DAB1: variants seen among roughly 807,000 people sequenced by gnomAD.
The protein encoded by DAB1 is disabled homolog 1.
Under a neutral mutation model 64.6 loss-of-function variants are expected in DAB1, and 15 were observed. The ratio of observed to expected loss-of-function variants is 0.23; its 90% CI spans 0.16 to 0.36. The LOEUF (loss-of-function observed/expected upper bound fraction) is 0.36, where lower values mean the gene tolerates loss of function less well. Ranked by LOEUF, DAB1 falls within the 10% of genes least tolerant of loss-of-function variation. The probability of loss-of-function intolerance (pLI) is 1.00; values close to 1 mark genes in which losing one functional copy is unlikely to be tolerated. For missense variants in DAB1, 596 were observed against 706.7 expected, an observed-to-expected ratio of 0.84 and a Z score of 1.78; for synonymous variants, 235 against 251.9, an observed-to-expected ratio of 0.93 and a Z score of 0.64.
intron 4 of DAB1, among the ~76,000 whole-genome samples, chr1:58,300,608 GA>G (rs1413323351): frequency 8.5e-5 from 3 of 35,334 alleles, no homozygotes; most frequent in Non-Finnish European, 1.2e-4. Context: ...AAGAAAGAAA[GA>G]AAGAGAGAGA....
chr1:57,241,977 A>G (rs1025958830), intron 2 of DAB1, among the ~76,000 whole-genome samples: 1 of 152,140 alleles, frequency 6.6e-6, no homozygotes, highest in Non-Finnish European at 1.5e-5. Context: ...CATTTCCCCC[A>G]TTCCTATATT....
intron 7 of DAB1, among the ~76,000 whole-genome samples, chr1:57,633,165 A>G (rs1336425408): frequency 1.5e-4 from 23 of 152,222 alleles, no homozygotes; most frequent in Non-Finnish European, 1.5e-5. Context: ...TTGATGGAAG[A>G]GCAAGATCGG....
chr1:58,510,707 A>G (rs1038635632), intron 2 of DAB1, among the ~76,000 whole-genome samples: 4 of 152,100 alleles, frequency 2.6e-5, no homozygotes, highest in African/African-American at 9.7e-5. Flanking sequence ...ATGATCTTAT[A>G]AGTAGAAAAC....
rs143334332 is a variant in DAB1 at position 58,097,956 on chromosome 1, G to C, written n.387+52555C>G. Among the ~76,000 whole-genome samples, 140 of 152,198 alleles carry C rather than the reference G, an allele frequency of 9.2e-4. 1 individual carries two copies. The highest frequency in any genetic ancestry group is 2.9e-3 in the African/African-American group (122 of 41,542). ...GCTGCTTCCTCTCAGGATTCCCACG[G>C]GCAGTTCCAAAATAGTTACATCAGG... On this transcript the variant is annotated intron_variant and non_coding_transcript_variant, in intron 5 of 20. Coordinates refer to the DAB1 transcript ENST00000485760.
intron 5 of DAB1, among the ~76,000 whole-genome samples, chr1:57,978,741 C>CA (rs1645986100): frequency 6.6e-6 from 1 of 152,062 alleles, no homozygotes; most frequent in Admixed American, 6.5e-5. Context: ...ACAACCCCAT[C>CA]AAAAAATGGG....
At chr1:58,401,411 C>A (rs1238494508) in intron 3 of DAB1, among the ~76,000 whole-genome samples, 1 of 152,206 alleles carries the variant, frequency 6.6e-6, no homozygotes, top group African/African-American at 2.4e-5. Context: ...AATCTCTTCC[C>A]CTTGACATCT....
At chr1:57,819,036 A>G (rs910802931) in intron 6 of DAB1, among the ~76,000 whole-genome samples, 2 of 152,120 alleles carry the variant, frequency 1.3e-5, no homozygotes, top group Admixed American at 1.3e-4. Flanking sequence ...ATATTCTCTT[A>G]CCCTCCCTTC....
rs888864055 is a variant in DAB1, at chr1:57,197,876, A to T, written c.68-52447T>A. On this transcript the variant is annotated intron_variant, in intron 2 of 14. Transcript: ENST00000371236. Reference sequence around the variant, plus strand: ...TCTTGCTCATAGGAAATGCTTTGGAAGGCAATAAAGTAGATTAAATTAAAG... The same window carrying T: ...TCTTGCTCATAGGAAATGCTTTGGATGGCAATAAAGTAGATTAAATTAAAG... Among the ~76,000 whole-genome samples the T allele has an allele frequency of 4.6e-5, 7 of 152,224 alleles. 1 individual carries two copies. Among genetic ancestry groups the T allele is most frequent in the Non-Finnish European group, 7.3e-5 (5 of 68,034 alleles).
chr1:57,275,001 T>C (rs764051031), intron 2 of DAB1, among the ~76,000 whole-genome samples: 1 of 152,102 alleles, frequency 6.6e-6, no homozygotes, highest in Non-Finnish European at 1.5e-5. Context: ...AGAACTAATA[T>C]GTAAGCAAGG....
At chr1:58,219,874 G>A (rs1395274144) in intron 4 of DAB1, among the ~76,000 whole-genome samples, 1 of 152,218 alleles carries the variant, frequency 6.6e-6, no homozygotes, top group Non-Finnish European at 1.5e-5. Context: ...CTCCCTGAGG[G>A]CCAGGGCCAT....
rs75206791 is a variant in DAB1, at chr1:58,391,216, G to A, written n.258-47813C>T. ...GGCAAGAGCCGTAAAGAGAGCTGCC[G>A]GCCAGCAGCAGCCAGGCTCTGGAGG... On this transcript the variant is annotated intron_variant and non_coding_transcript_variant, in intron 3 of 20. Coordinates refer to the DAB1 transcript ENST00000485760. Among the ~76,000 whole-genome samples, 369 of 152,308 alleles carry A rather than the reference G, an allele frequency of 2.4e-3. 4 individuals are homozygous for A. The highest frequency in any genetic ancestry group is 7.9e-3 in the African/African-American group (329 of 41,568).
chr1:58,505,843 G>A (rs1292221292), intron 3 of DAB1, among the ~76,000 whole-genome samples: 1 of 152,106 alleles, frequency 6.6e-6, no homozygotes, highest in Non-Finnish European at 1.5e-5. Context: ...TCACTATTAA[G>A]AAAAGTCAAC....
intron 5 of DAB1, among the ~76,000 whole-genome samples, chr1:58,009,454 CAT>C (rs1646636011): frequency 6.6e-6 from 1 of 152,122 alleles, no homozygotes; most frequent in Admixed American, 6.6e-5. Flanking sequence ...TGCTGGGAAT[CAT>C]ATATTATTGG....
intron 3 of DAB1, among the ~76,000 whole-genome samples, chr1:58,428,432 C>G (rs1489782479): frequency 3.3e-5 from 5 of 152,194 alleles, no homozygotes; most frequent in African/African-American, 1.2e-4. Flanking sequence ...AACCCTGTTT[C>G]TTCAACAAAT....
rs148641521 is a variant in DAB1, at chr1:57,151,533, A to G, written c.68-6104T>C. On this transcript the variant is annotated intron_variant, in intron 2 of 14. Coordinates refer to ENST00000371236, the MANE Select transcript of DAB1 (RefSeq NM_001365792.1). The stretch of plus-strand genomic sequence containing the variant: ...TGCACCAGCCAGAGGGACCAAGCAG[A>G]TGGAATTGATTCAGAGTAATTCTCA... 3.1e-3 allele frequency among the ~76,000 whole-genome samples: 476 copies of G among 152,240 alleles called. 5 individuals are homozygous for G. Among genetic ancestry groups the G allele is most frequent in the African/African-American group, 0.011 (444 of 41,540 alleles).
chr1:58,533,750 T>C (rs1272281909), intron 1 of DAB1, among the ~76,000 whole-genome samples: 1 of 152,176 alleles, frequency 6.6e-6, no homozygotes, highest in Non-Finnish European at 1.5e-5. Context: ...AGAAAAATAT[T>C]ATTCAGTATC....
chr1:58,250,072 C>T (rs114988039), intron 4 of DAB1, among the ~76,000 whole-genome samples: 2,240 of 152,266 alleles, frequency 0.015, 57 homozygotes, highest in African/African-American at 0.052. Flanking sequence ...CGCGAGAGCT[C>T]GGCGCCCGAC....
In DAB1 at chr1:58,509,134, T is replaced by G. The variant is rs562505249; in HGVS notation, n.108-2925A>C. On this transcript the variant is annotated intron_variant and non_coding_transcript_variant, in intron 2 of 20. Transcript: ENST00000485760. The stretch of plus-strand genomic sequence containing the variant: ...AAGAGGTTGCTGTTTTTTCCTAATG[T>G]GTAGATATCAACAATAAGAGTGAAA... Among the ~76,000 whole-genome samples the G allele has an allele frequency of 4.0e-4, 61 of 152,230 alleles. 1 individual carries two copies. Among genetic ancestry groups the G allele is most frequent in the African/African-American group, 1.4e-3 (57 of 41,534 alleles).
chr1:57,224,158 T>G (rs1458558597), intron 2 of DAB1, among the ~76,000 whole-genome samples: 1 of 152,184 alleles, frequency 6.6e-6, no homozygotes, highest in Non-Finnish European at 1.5e-5. Flanking sequence ...CAGTGCCTAA[T>G]ATAGTGTATG....
Sources: allele counts gnomAD v4.1 joint callset (sites outside exome capture counted in the v4.1 genomes callset), GRCh38; gene constraint gnomAD v4.1.1; transcripts MANE v1.5; gene names NCBI Gene and HGNC (gene_info 2026-07-23, HGNC 2026-07-21).